Variants in LUZP2 observed in about 807,000 individuals in gnomAD.
LUZP2 encodes leucine zipper protein 2.
In LUZP2, 52 loss-of-function variants were observed where a neutral mutation model predicts 51.6. That is an observed-to-expected ratio of 1.01 (90% CI 0.81 to 1.27). The LOEUF (loss-of-function observed/expected upper bound fraction) is 1.27, where lower values mean the gene tolerates loss of function less well. Among genes scored for constraint, LUZP2 ranks in the 50% most tolerant of loss-of-function variants. The pLI, the probability that LUZP2 is intolerant of heterozygous loss-of-function variation, is 0.00. For synonymous variants in LUZP2, 154 were observed against 137.3 expected, an observed-to-expected ratio of 1.12 and a Z score of -0.85; for missense variants, 436 against 395.4, an observed-to-expected ratio of 1.10 and a Z score of -0.87.
chr11:24,920,313 TG>T (rs1489164043), intron 7 of LUZP2, among the ~76,000 whole-genome samples: 1 of 152,018 alleles, frequency 6.6e-6, no homozygotes. Context: ...TTCAGGGAAT[TG>T]GTAGTCCAGT....
At chr11:25,077,225 A>C (rs1859335186) in intron 10 of LUZP2, 104 bp from the exon 11 acceptor site, 5 of 870,322 alleles carry the variant, frequency 5.7e-6, no homozygotes, top group African/African-American at 3.3e-5. Flanking sequence ...GATCAAAGTG[A>C]TAGAATCTTC....
intron 7 of LUZP2, among the ~76,000 whole-genome samples, chr11:24,971,299 C>G (rs2133895938): frequency 6.6e-6 from 1 of 152,208 alleles, no homozygotes; most frequent in Middle Eastern, 3.4e-3. Flanking sequence ...AGCCCAGATC[C>G]CTTACATGCG....
intron 7 of LUZP2, among the ~76,000 whole-genome samples, chr11:24,918,845 C>CTA (rs10679621): frequency 0.53 from 15,399 of 28,836 alleles, 6,379 homozygotes; most frequent in African/African-American, 0.9. Context: ...TGGAATACAT[C>CTA]TATATATATA....
intron 5 of LUZP2, among the ~76,000 whole-genome samples, chr11:24,896,531 G>A (rs976309949): frequency 3.9e-5 from 6 of 152,306 alleles, no homozygotes; most frequent in African/African-American, 1.4e-4. Flanking sequence ...GCCCCAGGGG[G>A]CAGGGCTCAG....
At chr11:24,952,427 T>C (rs1056138061) in intron 7 of LUZP2, among the ~76,000 whole-genome samples, 2 of 151,658 alleles carry the variant, frequency 1.3e-5, no homozygotes, top group African/African-American at 4.8e-5. Flanking sequence ...AGAATAATAA[T>C]ATATGTAGTA....
At chr11:24,926,528 T>C (rs1408912417) in intron 7 of LUZP2, among the ~76,000 whole-genome samples, 1 of 147,982 alleles carries the variant, frequency 6.8e-6, no homozygotes, top group Non-Finnish European at 1.5e-5. Flanking sequence ...TGTATATATG[T>C]GTGTGTATAT....
intron 5 of LUZP2, among the ~76,000 whole-genome samples, chr11:24,852,322 T>C (rs946474024): frequency 2.6e-5 from 4 of 152,208 alleles, no homozygotes. Context: ...TTCTCATTGG[T>C]TTCAAATAAC....
chr11:24,531,358 T>C (rs189910938), intron 1 of LUZP2, among the ~76,000 whole-genome samples: 1 of 150,924 alleles, frequency 6.6e-6, no homozygotes, highest in Non-Finnish European at 1.5e-5. Flanking sequence ...TATTTCAATA[T>C]ATGAATGTAA....
chr11:24,667,911 G>A (rs1378043466), intron 1 of LUZP2, among the ~76,000 whole-genome samples: 2 of 152,172 alleles, frequency 1.3e-5, no homozygotes, highest in Non-Finnish European at 2.9e-5. Flanking sequence ...TTGAAAGAAT[G>A]AGGGTAATTC....
intron 9 of LUZP2, among the ~76,000 whole-genome samples, chr11:25,005,789 G>A (rs1347045278): frequency 5.9e-5 from 9 of 152,100 alleles, no homozygotes; most frequent in South Asian, 4.1e-4. Context: ...TCGAAAACCT[G>A]TACCCTGTCC....
chr11:24,936,557 T>C (rs866275803), intron 7 of LUZP2, among the ~76,000 whole-genome samples: 8 of 151,938 alleles, frequency 5.3e-5, no homozygotes, highest in Middle Eastern at 6.8e-3. Flanking sequence ...TTTTTCCTTA[T>C]ACAATAATGA....
chr11:24,581,264 A>G (rs1159516286), intron 1 of LUZP2, among the ~76,000 whole-genome samples: 1 of 152,148 alleles, frequency 6.6e-6, no homozygotes, highest in Non-Finnish European at 1.5e-5. Flanking sequence ...AAGAACAAAC[A>G]AACAACAACA....
intron 1 of LUZP2, among the ~76,000 whole-genome samples, chr11:24,606,682 C>T (rs1002400591): frequency 6.6e-6 from 1 of 151,946 alleles, no homozygotes; most frequent in Non-Finnish European, 1.5e-5. Flanking sequence ...GTAGAGATGC[C>T]ACATCATATA....
chr11:24,510,852 C>T (rs1850288142), intron 1 of LUZP2, among the ~76,000 whole-genome samples: 1 of 152,048 alleles, frequency 6.6e-6, no homozygotes, highest in Non-Finnish European at 1.5e-5. Flanking sequence ...GCTGCTGTGC[C>T]AAGTGGGTAA....
At chr11:24,678,072 GA>G (rs1209042444) in intron 1 of LUZP2, among the ~76,000 whole-genome samples, 96 of 72,064 alleles carry the variant, frequency 1.3e-3, no homozygotes, top group Admixed American at 1.8e-3. Context: ...GAGGAAAGGA[GA>G]AAGGGGGGGG....
rs780064152 is a variant in LUZP2 at position 24,729,213 on chromosome 11, A to G, written c.107A>G (p.Lys36Arg). The G allele has an allele frequency of 5.7e-6, 9 of 1,579,826 alleles. No homozygotes were observed. The highest frequency in any genetic ancestry group is 6.9e-6 in the Non-Finnish European group (8 of 1,157,046). ...GAAAAGCAGCTGAAAGAAGTCTTTA[A>G]GGAGCGAAGCACCATTCTTCGTCAG... is the stretch of plus-strand genomic sequence containing the variant. ...ELEKQLKEVF[K>R]ERSTILRQLT... The change falls in exon 2 of 12, where the codon AAG becomes AGG. Residue 36 changes from lysine to arginine, a missense_variant. By Grantham distance (26) the Lys-to-Arg change is conservative (BLOSUM62 2). Coordinates refer to ENST00000336930, the MANE Select transcript of LUZP2 (RefSeq NM_001009909.4).
intron 7 of LUZP2, among the ~76,000 whole-genome samples, chr11:24,974,102 A>G (rs1030620979): frequency 6.6e-5 from 10 of 152,064 alleles, no homozygotes; most frequent in South Asian, 4.1e-4. Context: ...ACTTACTTTA[A>G]TAATCTGGGT....
chr11:24,798,206 T>TTG (rs1849600668), intron 5 of LUZP2, among the ~76,000 whole-genome samples: 3 of 83,824 alleles, frequency 3.6e-5, no homozygotes, highest in Non-Finnish European at 6.4e-5. Context: ...ATATTTCTTT[T>TTG]TTTTTATTAT....
intron 5 of LUZP2, among the ~76,000 whole-genome samples, chr11:24,878,261 T>TC (rs1253431258): frequency 6.6e-6 from 1 of 152,106 alleles, no homozygotes; most frequent in Non-Finnish European, 1.5e-5. Flanking sequence ...CTTTTATTTG[T>TC]CTGGGAAAGT....
Sources: gnomAD v4.1 joint callset for allele counts (sites outside exome capture counted in the v4.1 genomes callset) on GRCh38, gnomAD v4.1.1 for gene constraint, MANE v1.5 for transcripts, NCBI Gene and HGNC (gene_info 2026-07-23, HGNC 2026-07-21) for gene names.